The following KIAA0232 variants were observed in gnomAD, a reference collection of about 807,000 sequenced individuals.
The protein encoded by KIAA0232 is KIAA0232.
KIAA0232 carries 27 observed loss-of-function variants against 122.0 expected under a neutral mutation model. The observed-to-expected ratio is 0.22, with a 90% CI of 0.16 to 0.31. The LOEUF is 0.31. Among genes scored for constraint, KIAA0232 ranks in the 10% least tolerant of loss-of-function variants. KIAA0232 has a pLI of 1.00. For synonymous variants in KIAA0232, 613 were observed against 587.6 expected (o/e 1.04, Z -0.63); for missense variants, 1,551 against 1,634.2 (o/e 0.95, Z 0.88).
At chr4:6,842,802 T>G (rs2108741736) in intron 4 of KIAA0232, among the ~76,000 whole-genome samples, 1 of 152,256 alleles carries the variant, frequency 6.6e-6, no homozygotes, top group South Asian at 2.1e-4. Flanking sequence ...TTGGCCAGGC[T>G]GGTCTTGAAC....
intron 2 of KIAA0232, among the ~76,000 whole-genome samples, chr4:6,812,772 G>C (rs1308147941): frequency 2.0e-5 from 3 of 152,012 alleles, no homozygotes; most frequent in Non-Finnish European, 4.4e-5. Context: ...ATTTTGCCCA[G>C]AGAAGCCCAG....
At chr4:6,821,751 CATTG>C (rs1718436865) in intron 2 of KIAA0232, among the ~76,000 whole-genome samples, 1 of 151,814 alleles carries the variant, frequency 6.6e-6, no homozygotes, top group Non-Finnish European at 1.5e-5. Context: ...TTTATCCCCT[CATTG>C]ATTGATGGGC....
chr4:6,863,290 G>C lies in KIAA0232; in HGVS notation c.2908G>C (p.Ala970Pro). 6.2e-7 allele frequency: 1 copy of C among 1,614,222 alleles called. No homozygotes were observed. Among genetic ancestry groups the C allele is most frequent in the Non-Finnish European group, 8.5e-7 (1 of 1,180,034 alleles). The change falls in exon 7 of 10, where the codon GCT (alanine) becomes CCT (proline). Residue 970 changes from alanine to proline, a missense_variant. Transcript: ENST00000307659. ...TGCAGCTTCTGATGTTGTGACGATA[G>C]CTGGTACAGATGTCTTTATGACCCC... ...QCAASDVVTI[A>P]GTDVFMTPGN...
chr4:6,862,619 T>G lies in KIAA0232; in HGVS notation c.2237T>G (p.Val746Gly). 1 of 1,613,592 alleles carries G rather than the reference T, an allele frequency of 6.2e-7. No homozygotes were observed. Among genetic ancestry groups the G allele is most frequent in the Non-Finnish European group, 8.5e-7 (1 of 1,179,890 alleles). ...QFNAEDINYV[V>G]PRVSSNYVDE... The stretch of plus-strand genomic sequence containing the variant: ...AATGCCGAAGATATTAATTATGTAG[T>G]TCCTAGAGTCTCGTCAAATTATGTA... Residue 746 changes from valine to glycine, a missense_variant, in exon 7 of 10, where the codon GTT becomes GGT. This residue lies in a region of KIAA0232 where 1,108 missense variants were observed against 1,154.8 expected (regional missense o/e 0.96). Transcript: ENST00000307659.
intron 4 of KIAA0232, among the ~76,000 whole-genome samples, chr4:6,842,708 C>T (rs1186565726): frequency 1.3e-5 from 2 of 151,878 alleles, no homozygotes; most frequent in Non-Finnish European, 2.9e-5. Flanking sequence ...GCCTCAGCCT[C>T]CGGAGTAGCC....
At chr4:6,854,156 A>T (rs912466284) in intron 4 of KIAA0232, among the ~76,000 whole-genome samples, 2 of 152,272 alleles carry the variant, frequency 1.3e-5, no homozygotes, top group African/African-American at 4.8e-5. Flanking sequence ...AAGATTGTAG[A>T]AAATTAAAGA....
At chr4:6,817,654 T>C (rs1180814113) in intron 2 of KIAA0232, among the ~76,000 whole-genome samples, 1 of 152,222 alleles carries the variant, frequency 6.6e-6, no homozygotes, top group East Asian at 1.9e-4. Context: ...ATTGCACCTT[T>C]TCTGTGGCCA....
intron 1 of KIAA0232, among the ~76,000 whole-genome samples, chr4:6,795,266 G>A (rs1367885783): frequency 6.6e-6 from 1 of 152,080 alleles, no homozygotes; most frequent in Non-Finnish European, 1.5e-5. Context: ...TAGAGACAGG[G>A]TTTCATCGTG....
At chr4:6,872,224 A>G (rs1162124431) in intron 8 of KIAA0232, among the ~76,000 whole-genome samples, 17 of 152,216 alleles carry the variant, frequency 1.1e-4, no homozygotes, top group Non-Finnish European at 8.8e-5. Flanking sequence ...CAGAGTGGAA[A>G]TGGAATTGAA....
At chr4:6,868,640 C>T (rs557421106) in intron 7 of KIAA0232, among the ~76,000 whole-genome samples, 3 of 152,254 alleles carry the variant, frequency 2.0e-5, no homozygotes, top group Admixed American at 6.5e-5. Context: ...TCCATGACAG[C>T]GACCTTCTGA....
intron 3 of KIAA0232, among the ~76,000 whole-genome samples, chr4:6,837,794 A>G (rs559584352): frequency 2.6e-5 from 4 of 152,148 alleles, no homozygotes; most frequent in Admixed American, 6.5e-5. Context: ...CGTGCCAGCA[A>G]TCCCAGGCAC....
chr4:6,812,253 C>A (rs1415238766), intron 2 of KIAA0232, among the ~76,000 whole-genome samples: 1 of 152,104 alleles, frequency 6.6e-6, no homozygotes, highest in Admixed American at 6.5e-5. Context: ...TCTAGTAGAA[C>A]TTTTGTGATT....
intron 9 of KIAA0232, among the ~76,000 whole-genome samples, chr4:6,878,534 C>T (rs761227564): frequency 3.4e-4 from 51 of 152,190 alleles, no homozygotes; most frequent in Non-Finnish European, 5.0e-4. Flanking sequence ...AAATACTCCT[C>T]AAGACAATTA....
chr4:6,811,747 A>ATTT (rs10709832), intron 2 of KIAA0232, among the ~76,000 whole-genome samples: 2,167 of 103,866 alleles, frequency 0.021, 36 homozygotes, highest in Non-Finnish European at 0.033. Context: ...GCCTGGCCTA[A>ATTT]TTTTTTTTTT....
intron 3 of KIAA0232, among the ~76,000 whole-genome samples, chr4:6,827,247 C>T (rs374303350): frequency 6.6e-4 from 101 of 152,276 alleles, no homozygotes; most frequent in South Asian, 5.6e-3. Flanking sequence ...AAGTTACAGT[C>T]CCTTGTTAAA....
Position 6,808,441 on chromosome 4 carries a change from A to C in KIAA0232, c.-270+3835A>C, listed in dbSNP as rs1324956767. On this transcript the variant is annotated intron_variant, in intron 2 of 9. Coordinates refer to ENST00000307659, the MANE Select transcript of KIAA0232 (RefSeq NM_014743.3). ...TAGTGAGAAAGGACCAGTTAAAAATATAGAGAGTTCAAGCATGACTTGCAG... is the reference window on the plus strand; with the variant it reads ...TAGTGAGAAAGGACCAGTTAAAAATCTAGAGAGTTCAAGCATGACTTGCAG... Among the ~76,000 whole-genome samples, 16 of 148,790 alleles carry C rather than the reference A, an allele frequency of 1.1e-4. No individual in the cohort carries two copies. In the Admixed American group the frequency reaches 1.1e-3, roughly 10 times the overall value.
intron 1 of KIAA0232, among the ~76,000 whole-genome samples, chr4:6,794,979 G>A (rs1717065838): frequency 6.6e-6 from 1 of 152,182 alleles, no homozygotes; most frequent in African/African-American, 2.4e-5. Context: ...AAAGGATGGA[G>A]CAGTCTCTGC....
intron 2 of KIAA0232, among the ~76,000 whole-genome samples, chr4:6,809,370 A>G (rs1266335771): frequency 6.6e-6 from 1 of 152,218 alleles, no homozygotes; most frequent in South Asian, 2.1e-4. Flanking sequence ...GCTCACTTCC[A>G]GGAGGAAGCA....
At chr4:6,826,152 TG>T (rs1718667216) in intron 3 of KIAA0232, among the ~76,000 whole-genome samples, 1 of 152,184 alleles carries the variant, frequency 6.6e-6, no homozygotes, top group East Asian at 1.9e-4. Flanking sequence ...GTGCAGAGCA[TG>T]TTTGATGAGA....
Sources: gnomAD v4.1 joint callset for allele counts (sites outside exome capture counted in the v4.1 genomes callset) on GRCh38, gnomAD v4.1.1 for gene constraint, gnomAD v4.1.1 regional missense constraint, MANE v1.5 for transcripts, NCBI Gene and HGNC (gene_info 2026-07-23, HGNC 2026-07-21) for gene names.